The following COL19A1 variants were observed in gnomAD, a reference collection of about 807,000 sequenced individuals.
COL19A1 encodes the protein collagen type XIX alpha 1 chain.
COL19A1 carries 159 observed loss-of-function variants against 190.2 expected under a neutral mutation model. The ratio of observed to expected loss-of-function variants is 0.84; its 90% CI spans 0.73 to 0.95. The LOEUF is 0.95. Ranked by LOEUF, COL19A1 falls within the 40% of genes least tolerant of loss-of-function variation. The pLI is 0.00. For missense variants in COL19A1, 1,418 were observed against 1,431.9 expected, an observed-to-expected ratio of 0.99 and a Z score of 0.16; for synonymous variants, 509 against 458.9, an observed-to-expected ratio of 1.11 and a Z score of -1.39.
chr6:69,881,963 T>C (rs1768587569), intron 2 of COL19A1, among the ~76,000 whole-genome samples: 1 of 152,220 alleles, frequency 6.6e-6, no homozygotes, highest in South Asian at 2.1e-4. Flanking sequence ...GTTCCCTTTT[T>C]AGTTTCCTCA....
At chr6:69,938,217 TC>T in intron 9 of COL19A1, 117 bp downstream of exon 9, 1 of 934,900 alleles carries the variant, frequency 1.1e-6, no homozygotes, top group Non-Finnish European at 1.6e-6. Flanking sequence ...TAAAAGGCTA[TC>T]AAAGACTATA....
chr6:69,933,306 C>T (rs1194522428), intron 7 of COL19A1, among the ~76,000 whole-genome samples: 1 of 152,100 alleles, frequency 6.6e-6, no homozygotes, highest in Non-Finnish European at 1.5e-5. Context: ...ACATTTACCT[C>T]GTGTCTGGGA....
chr6:70,010,598 C>G (rs1440360974), intron 11 of COL19A1, among the ~76,000 whole-genome samples: 1 of 140,828 alleles, frequency 7.1e-6, no homozygotes, highest in Non-Finnish European at 1.5e-5. Flanking sequence ...AAAGGGGTGA[C>G]GGACGCACCT....
chr6:69,957,146 A>C (rs1488863260), intron 9 of COL19A1, among the ~76,000 whole-genome samples: 2 of 152,110 alleles, frequency 1.3e-5, no homozygotes, highest in South Asian at 2.1e-4. Flanking sequence ...TGTTTCCTGC[A>C]CAATAAGAAA....
chr6:69,938,085 GCATAAAGGAGAGCCGGTAAGAAAAAAA>G lies in COL19A1; in HGVS notation c.924_936+14del. ...CTCCGGGTTCACCTGGGCAGAAAGG[GCATAAAGGAGAGCCGGTAAGAAAAAAA>G]CAAATACTGATGGAGAAAACAGGGT... On this transcript the variant is annotated splice_donor_variant and splice_donor_5th_base_variant and coding_sequence_variant and intron_variant, in exon 9 of 51. Transcript: ENST00000620364. LOFTEE classifies it high-confidence loss of function. 6.2e-7 allele frequency: 1 copy of G among 1,612,506 alleles called. No individual in the cohort carries two copies. The highest frequency in any genetic ancestry group is 8.5e-7 in the Non-Finnish European group (1 of 1,179,064).
rs570634360 is a variant in COL19A1, at chr6:70,091,430, C to A, written c.1225-10739C>A. On this transcript the variant is annotated intron_variant, in intron 15 of 50. Transcript: ENST00000620364. ...AAGGTATTTCCAGAGCATGGTAAAG[C>A]ATCTAACCCACAATAGGGACTTCGT... Among the ~76,000 whole-genome samples the A allele has an allele frequency of 5.3e-5, 8 of 152,290 alleles. No individual in the cohort carries two copies. In the East Asian group the frequency reaches 1.2e-3, roughly 22 times the overall value.
rs943172495 is a variant in COL19A1 at position 69,937,969 on chromosome 6, T to G, written c.874-69T>G. 1.6e-5 allele frequency: 24 copies of G among 1,492,110 alleles called. No homozygotes were observed. In the East Asian group the frequency reaches 5.2e-4, roughly 32 times the overall value. The allele number at this position is 1,492,110 out of a possible 1,614,324, so 92.4% of individuals were successfully genotyped here. ...TATCTTGCTAGTGCCAGCTTCACAT[T>G]TATAAACCATTTGGCTTTAGATCAA... On this transcript the variant is annotated intron_variant, in intron 8 of 50. Transcript: ENST00000620364.
chr6:70,072,871 C>T (rs1159330068), intron 15 of COL19A1, among the ~76,000 whole-genome samples: 1 of 152,150 alleles, frequency 6.6e-6, no homozygotes, highest in African/African-American at 2.4e-5. Context: ...GCAGGGCAAG[C>T]AACATGTCCA....
chr6:69,889,388 CT>C (rs1769170559), intron 2 of COL19A1, among the ~76,000 whole-genome samples: 1 of 151,816 alleles, frequency 6.6e-6, no homozygotes, highest in African/African-American at 2.4e-5. Flanking sequence ...CTCCCGTTCT[CT>C]TTTTATCTCA....
At chr6:70,048,514 A>G (rs1780024994) in intron 14 of COL19A1, among the ~76,000 whole-genome samples, 1 of 152,070 alleles carries the variant, frequency 6.6e-6, no homozygotes, top group South Asian at 2.1e-4. Context: ...GTGGTTTAAG[A>G]AAAAGCAACC....
At chr6:70,113,120 G>T (rs1045366272) in intron 16 of COL19A1, among the ~76,000 whole-genome samples, 1 of 152,150 alleles carries the variant, frequency 6.6e-6, no homozygotes, top group African/African-American at 2.4e-5. Context: ...TCAAGGTATG[G>T]TGCCAGTATA....
intron 15 of COL19A1, among the ~76,000 whole-genome samples, chr6:70,082,920 G>C (rs1191358864): frequency 1.3e-5 from 2 of 152,050 alleles, no homozygotes; most frequent in Admixed American, 1.3e-4. Flanking sequence ...TTCACAATAG[G>C]GTTCATACTC....
rs1178017065 is a variant in COL19A1 at position 70,134,228 on chromosome 6, C to T, written c.1384-3457C>T. ...TTTATTTTCTCTATCAAACCAACAA[C>T]AATTTGTTCCTAAATGTATCCCCCA... On this transcript the variant is annotated intron_variant, in intron 18 of 50. Coordinates refer to ENST00000620364, the MANE Select transcript of COL19A1 (RefSeq NM_001858.6). Among the ~76,000 whole-genome samples, 4 of 152,148 alleles carry T rather than the reference C, an allele frequency of 2.6e-5. No homozygotes were observed. In the East Asian group the frequency reaches 5.8e-4, roughly 22 times the overall value.
At chr6:69,965,097 C>A (rs1775017025) in intron 11 of COL19A1, among the ~76,000 whole-genome samples, 1 of 152,152 alleles carries the variant, frequency 6.6e-6, no homozygotes. Context: ...AATTTATTTT[C>A]TGAACAAAGT....
At chr6:70,130,080 C>T (rs1006414557) in intron 17 of COL19A1, 102 bp from the exon 18 acceptor site, 6 of 1,191,182 alleles carry the variant, frequency 5.0e-6, no homozygotes, top group African/African-American at 3.1e-5. Context: ...CCATAAAAAG[C>T]GGTTACAGAA....
chr6:69,973,431 CT>C (rs1484694667), intron 11 of COL19A1, among the ~76,000 whole-genome samples: 1 of 152,120 alleles, frequency 6.6e-6, no homozygotes, highest in Non-Finnish European at 1.5e-5. Flanking sequence ...AGGTTACTTT[CT>C]TTCATTTTTT....
At chr6:70,066,848 T>C (rs1021481870) in intron 14 of COL19A1, among the ~76,000 whole-genome samples, 1 of 152,108 alleles carries the variant, frequency 6.6e-6, no homozygotes, top group Admixed American at 6.6e-5. Flanking sequence ...ATCAGATTTT[T>C]CATTTATTTC....
chr6:70,161,871 G>A (rs1205872461), intron 34 of COL19A1, 29 bp from the exon 35 acceptor site: 2 of 1,589,790 alleles, frequency 1.3e-6, no homozygotes, highest in Non-Finnish European at 8.6e-7. Context: ...TGATATAACA[G>A]ATTTTATGAT....
rs142918235 is a variant in COL19A1 at position 69,934,366 on chromosome 6, T to C, written c.747+1503T>C. The stretch of plus-strand genomic sequence containing the variant: ...TTAAAGATGTTAATTCCCCCAAAAT[T>C]TTGTTTTTAATTATGCTTTTTTGAT... On this transcript the variant is annotated intron_variant, in intron 7 of 50. Transcript: ENST00000620364. Among the ~76,000 whole-genome samples the C allele has an allele frequency of 5.5e-3, 834 of 152,084 alleles. 19 individuals are homozygous for C. The East Asian group carries it at 0.069, about 13-fold the overall frequency.
Sources: gnomAD v4.1 joint callset for allele counts (sites outside exome capture counted in the v4.1 genomes callset) on GRCh38, gnomAD v4.1.1 for gene constraint, MANE v1.5 for transcripts, NCBI Gene and HGNC (gene_info 2026-07-23, HGNC 2026-07-21) for gene names.